The following MED12L variants were observed in gnomAD, a reference collection of about 807,000 sequenced individuals.
MED12L encodes mediator complex subunit 12L.
In MED12L, 60 loss-of-function variants were observed where a neutral mutation model predicts 281.3. That is an observed-to-expected ratio of 0.21 (90% CI 0.17 to 0.26). The LOEUF is 0.26. Ranked by LOEUF, MED12L falls within the 10% of genes least tolerant of loss-of-function variation. The pLI is 1.00. For synonymous variants in MED12L, 974 were observed against 987.2 expected, an observed-to-expected ratio of 0.99 and a Z score of 0.25; for missense variants, 2,146 against 2,680.9, an observed-to-expected ratio of 0.80 and a Z score of 4.41.
intron 16 of MED12L, among the ~76,000 whole-genome samples, chr3:151,266,773 G>C (rs1272116948): frequency 6.6e-6 from 1 of 152,174 alleles, no homozygotes; most frequent in South Asian, 2.1e-4. Flanking sequence ...TAGCTGCCTG[G>C]TAAGAAGAAA....
chr3:151,311,097 G>A (rs1291770407), intron 16 of MED12L, among the ~76,000 whole-genome samples: 3 of 152,144 alleles, frequency 2.0e-5, no homozygotes, highest in Admixed American at 2.0e-4. Flanking sequence ...ACTGAGTTCC[G>A]CACTGGCCAG....
intron 14 of MED12L, 122 bp downstream of exon 14, chr3:151,191,053 G>T: frequency 1.2e-6 from 1 of 810,932 alleles, no homozygotes; most frequent in Non-Finnish European, 1.9e-6. Context: ...TTGCCCCAGT[G>T]GTTGTTTATC....
At chr3:151,219,896 C>A (rs978018899) in intron 16 of MED12L, among the ~76,000 whole-genome samples, 2 of 135,102 alleles carry the variant, frequency 1.5e-5, no homozygotes, top group Non-Finnish European at 3.2e-5. Flanking sequence ...ATATTACCCC[C>A]CCCCCCCCCT....
At chr3:151,248,131 C>CA (rs1304710781) in intron 16 of MED12L, among the ~76,000 whole-genome samples, 2 of 151,608 alleles carry the variant, frequency 1.3e-5, no homozygotes, top group Non-Finnish European at 2.9e-5. Flanking sequence ...CAAGTTAAAA[C>CA]AAAAAATGCT....
chr3:151,284,828 G>A (rs571121105), intron 16 of MED12L, among the ~76,000 whole-genome samples: 65 of 152,174 alleles, frequency 4.3e-4, no homozygotes, highest in African/African-American at 1.5e-3. Context: ...GGCTGGTCTC[G>A]AACTCCCGAC....
At chr3:151,261,685 G>GTTT (rs1738915415) in intron 16 of MED12L, among the ~76,000 whole-genome samples, 1 of 148,640 alleles carries the variant, frequency 6.7e-6, no homozygotes, top group Non-Finnish European at 1.5e-5. Flanking sequence ...GTGGTACGTG[G>GTTT]TGTTTTGTTT....
intron 39 of MED12L, among the ~76,000 whole-genome samples, chr3:151,403,228 C>T (rs1028968975): frequency 6.6e-6 from 1 of 152,098 alleles, no homozygotes; most frequent in African/African-American, 2.4e-5. Flanking sequence ...CCTTTGATCG[C>T]CTCATGATTT....
At chr3:151,094,270 C>T (rs1175740127) in intron 2 of MED12L, among the ~76,000 whole-genome samples, 1 of 152,198 alleles carries the variant, frequency 6.6e-6, no homozygotes. Context: ...GTTCTGGGAA[C>T]ACCATTCTCA....
chr3:151,156,613 T>C (rs928083446), intron 6 of MED12L, among the ~76,000 whole-genome samples: 2 of 152,226 alleles, frequency 1.3e-5, no homozygotes, highest in African/African-American at 4.8e-5. Context: ...TCTAAACCTT[T>C]TATTTTGCAA....
chr3:151,134,204 T>G (rs1576798126), intron 5 of MED12L, among the ~76,000 whole-genome samples: 1 of 136,636 alleles, frequency 7.3e-6, no homozygotes, highest in Non-Finnish European at 1.5e-5. Flanking sequence ...TTTTTTTTTT[T>G]GGCCTGTTTG....
At chr3:151,381,662 C>T (rs141616899) in intron 32 of MED12L, among the ~76,000 whole-genome samples, 4 of 152,274 alleles carry the variant, frequency 2.6e-5, no homozygotes, top group African/African-American at 9.6e-5. Context: ...AAAATAGGAC[C>T]ACAGCCATTC....
At chr3:151,328,015 C>T in intron 16 of MED12L, 1 of 1,584,348 alleles carries the variant, frequency 6.3e-7, no homozygotes, top group Non-Finnish European at 8.6e-7. Context: ...TGTTGTCTGT[C>T]TGACTGCTAT....
intron 4 of MED12L, among the ~76,000 whole-genome samples, chr3:151,124,941 A>G (rs920602954): frequency 1.3e-4 from 20 of 152,334 alleles, no homozygotes; most frequent in Admixed American, 9.8e-4. Flanking sequence ...ACCCTTGCTT[A>G]GCAAACAGAG....
Position 151,385,175 on chromosome 3 carries a change from C to T in MED12L, c.5072C>T (p.Ser1691Phe). The change falls in exon 36 of 45, where the codon TCT becomes TTT. Residue 1691 changes from serine to phenylalanine, a missense_variant. Physicochemically the swap from Ser to Phe is radical, Grantham distance 155. Coordinates refer to ENST00000687756, the MANE Select transcript of MED12L (RefSeq NM_001393769.1). ...GGAAACAAAATTGCTGGATTTGACT[C>T]TATAGATAAAAAACAGGCAAGAGTG... ...TKGNKIAGFD[S>F]IDKKQGLQVS... 6.6e-7 allele frequency: 1 copy of T among 1,515,240 alleles called. No individual in the cohort carries two copies. Among genetic ancestry groups the T allele is most frequent in the Non-Finnish European group, 9.0e-7 (1 of 1,109,866 alleles). The allele number at this position is 1,515,240 out of a possible 1,614,324, so 93.9% of individuals were successfully genotyped here.
rs572527955 is a variant in MED12L, at chr3:151,415,201, C to T, written c.6298-1111C>T. ...CATATGTACTTTTTATCCTAATTAG[C>T]ATAATATGTCCTTCTGGTAATTTTT... On this transcript the variant is annotated intron_variant, in intron 42 of 44. Transcript: ENST00000687756. 2.0e-4 allele frequency among the ~76,000 whole-genome samples: 30 copies of T among 152,290 alleles called. No individual in the cohort carries two copies. In the South Asian group the frequency reaches 5.0e-3, roughly 25 times the overall value.
At chr3:151,229,808 C>T (rs1234383915) in intron 16 of MED12L, among the ~76,000 whole-genome samples, 1 of 152,070 alleles carries the variant, frequency 6.6e-6, no homozygotes, top group Non-Finnish European at 1.5e-5. Flanking sequence ...TTAACTAGAG[C>T]ATGCAACAAT....
intron 38 of MED12L, among the ~76,000 whole-genome samples, chr3:151,392,467 GAAAAAAA>G (rs200781609): frequency 0.024 from 2,285 of 95,826 alleles, 93 homozygotes; most frequent in East Asian, 0.18. Flanking sequence ...TCCATCTCAA[GAAAAAAA>G]AAAAAAAAAA....
intron 16 of MED12L, chr3:151,294,490 C>T (rs1414303429): frequency 6.2e-7 from 1 of 1,614,092 alleles, no homozygotes; most frequent in East Asian, 2.2e-5. Context: ...CCCTGATGCT[C>T]TGGTTATGTT....
At chr3:151,428,455 C>G (rs76589672) in intron 43 of MED12L, among the ~76,000 whole-genome samples, 4,351 of 151,902 alleles carry the variant, frequency 0.029, 191 homozygotes, top group African/African-American at 0.099. Context: ...GGGAATAGTT[C>G]ATTAGTTTTG....
Sources: allele counts gnomAD v4.1 joint callset (sites outside exome capture counted in the v4.1 genomes callset), GRCh38; gene constraint gnomAD v4.1.1; transcripts MANE v1.5; gene names NCBI Gene and HGNC (gene_info 2026-07-23, HGNC 2026-07-21).